SCFD2: variants seen among roughly 807,000 people sequenced by gnomAD.
The protein encoded by SCFD2 is sec1 family domain containing 2, also known as sec1 family domain-containing protein 2.
A neutral mutation model predicts 58.9 loss-of-function variants in SCFD2; 54 were observed. That is an observed-to-expected ratio of 0.92 (90% CI 0.74 to 1.15). The LOEUF (loss-of-function observed/expected upper bound fraction) is 1.15, where lower values mean the gene tolerates loss of function less well. Among genes scored for constraint, SCFD2 ranks in the 50% most tolerant of loss-of-function variants. The probability of loss-of-function intolerance (pLI) is 0.00; values close to 1 mark genes in which losing one functional copy is unlikely to be tolerated. For synonymous variants in SCFD2, 321 were observed against 335.9 expected (o/e 0.96, Z 0.49); for missense variants, 805 against 836.6 (o/e 0.96, Z 0.47).
At chr4:53,057,009 TCC>T (rs1294130276) in intron 5 of SCFD2, among the ~76,000 whole-genome samples, 19 of 151,966 alleles carry the variant, frequency 1.3e-4, no homozygotes, top group Non-Finnish European at 2.4e-4. Context: ...ATGGTGAAAC[TCC>T]GTCTCTAATA....
intron 3 of SCFD2, among the ~76,000 whole-genome samples, chr4:53,312,608 C>T (rs1732724771): frequency 6.6e-6 from 1 of 152,180 alleles, no homozygotes; most frequent in South Asian, 2.1e-4. Context: ...AAGTCATATT[C>T]TTTTCATGTT....
chr4:53,242,899 G>C (rs1323598687), intron 4 of SCFD2, among the ~76,000 whole-genome samples: 1 of 152,136 alleles, frequency 6.6e-6, no homozygotes, highest in Admixed American at 6.5e-5. Flanking sequence ...TTGAAGACAG[G>C]CTTTCTGAAA....
At chr4:53,249,007 G>A (rs190431060) in intron 4 of SCFD2, among the ~76,000 whole-genome samples, 5 of 152,290 alleles carry the variant, frequency 3.3e-5, no homozygotes, top group Non-Finnish European at 5.9e-5. Context: ...AAACTACTCC[G>A]AGCTATGGGA....
At chr4:53,327,808 G>A (rs1250193978) in intron 2 of SCFD2, among the ~76,000 whole-genome samples, 1 of 152,164 alleles carries the variant, frequency 6.6e-6, no homozygotes, top group African/African-American at 2.4e-5. Flanking sequence ...AGAATTGGAA[G>A]TATTGCTGGG....
intron 5 of SCFD2, among the ~76,000 whole-genome samples, chr4:53,055,879 G>A (rs1405538708): frequency 5.3e-5 from 8 of 152,096 alleles, no homozygotes; most frequent in Non-Finnish European, 1.2e-4. Context: ...TGGCTGCAGT[G>A]AAAATGAGCT....
intron 7 of SCFD2, among the ~76,000 whole-genome samples, chr4:52,901,907 T>C (rs1719209966): frequency 6.6e-6 from 1 of 152,226 alleles, no homozygotes; most frequent in Non-Finnish European, 1.5e-5. Context: ...GCAGATAATC[T>C]TACATACACA....
intron 5 of SCFD2, among the ~76,000 whole-genome samples, chr4:53,120,104 C>T (rs1239573343): frequency 6.6e-6 from 1 of 152,124 alleles, no homozygotes; most frequent in African/African-American, 2.4e-5. Context: ...GACAAAAGGG[C>T]TGTGCAATTC....
At chr4:53,316,695 T>A (rs946104682) in intron 2 of SCFD2, among the ~76,000 whole-genome samples, 3 of 152,224 alleles carry the variant, frequency 2.0e-5, no homozygotes, top group African/African-American at 7.2e-5. Context: ...TAAAGTCACT[T>A]GAAGCTTGTA....
At chr4:53,253,246 C>A (rs1730466717) in intron 4 of SCFD2, among the ~76,000 whole-genome samples, 1 of 152,112 alleles carries the variant, frequency 6.6e-6, no homozygotes, top group Non-Finnish European at 1.5e-5. Flanking sequence ...ACAACAGGTG[C>A]TGGAGAGGAT....
intron 4 of SCFD2, among the ~76,000 whole-genome samples, chr4:53,246,258 G>C (rs965035154): frequency 2.6e-5 from 4 of 152,140 alleles, no homozygotes; most frequent in Non-Finnish European, 5.9e-5. Flanking sequence ...TTGTCAAAAT[G>C]GGTATACTGC....
rs191281945 is a variant in SCFD2, at chr4:53,032,489, G to A, written c.1562-111619C>T. On this transcript the variant is annotated intron_variant, in intron 5 of 8. Coordinates refer to ENST00000401642, the MANE Select transcript of SCFD2 (RefSeq NM_152540.4). The stretch of plus-strand genomic sequence containing the variant: ...TAAATGCCCCCAATTAAAAGACATC[G>A]ACTAGCAAATTGGATAAAGAGTCAA... Among the ~76,000 whole-genome samples, 29 of 152,234 alleles carry A rather than the reference G, an allele frequency of 1.9e-4. No individual in the cohort carries two copies. The East Asian group carries it at 2.9e-3, about 15-fold the overall frequency.
At chr4:52,968,729 CAACT>C (rs1721023282) in intron 5 of SCFD2, among the ~76,000 whole-genome samples, 1 of 152,010 alleles carries the variant, frequency 6.6e-6, no homozygotes. Context: ...GATCGGCAAC[CAACT>C]GTGTGTGTGT....
intron 3 of SCFD2, among the ~76,000 whole-genome samples, chr4:53,277,856 T>C (rs1023190722): frequency 2.7e-5 from 4 of 149,590 alleles, no homozygotes; most frequent in Non-Finnish European, 4.4e-5. Context: ...ATGGAGACCA[T>C]CCTGGCTAAC....
At chr4:53,029,839 T>C (rs1722571648) in intron 5 of SCFD2, among the ~76,000 whole-genome samples, 1 of 152,216 alleles carries the variant, frequency 6.6e-6, no homozygotes, top group South Asian at 2.1e-4. Flanking sequence ...AAATAGATCA[T>C]AGATCTGAAT....
At chr4:53,248,077 C>T (rs1367901663) in intron 4 of SCFD2, among the ~76,000 whole-genome samples, 1 of 152,154 alleles carries the variant, frequency 6.6e-6, no homozygotes, top group Non-Finnish European at 1.5e-5. Flanking sequence ...GCACCATGCG[C>T]CACCCGAAGC....
chr4:52,914,821 C>T (rs1018503032), intron 6 of SCFD2, among the ~76,000 whole-genome samples: 11 of 152,024 alleles, frequency 7.2e-5, no homozygotes, highest in Non-Finnish European at 1.6e-4. Context: ...AAAAAAGGGG[C>T]CCATGAAGGT....
At chr4:53,278,363 A>AT (rs1255209650) in intron 3 of SCFD2, among the ~76,000 whole-genome samples, 1 of 148,162 alleles carries the variant, frequency 6.7e-6, no homozygotes, top group East Asian at 2.1e-4. Context: ...CATCTTAAAA[A>AT]AAAAAAAAAA....
At chr4:52,906,642 C>T (rs1719355274) in intron 7 of SCFD2, among the ~76,000 whole-genome samples, 3 of 152,226 alleles carry the variant, frequency 2.0e-5, no homozygotes, top group Admixed American at 2.0e-4. Context: ...GTCTGATTGT[C>T]TGGCGTCTGT....
chr4:53,274,783 T>C (rs1731278723), intron 3 of SCFD2, among the ~76,000 whole-genome samples: 1 of 152,172 alleles, frequency 6.6e-6, no homozygotes, highest in African/African-American at 2.4e-5. Flanking sequence ...CTCCAGTCTG[T>C]AAAATTTCAT....
Sources: gnomAD v4.1 joint callset for allele counts (sites outside exome capture counted in the v4.1 genomes callset) on GRCh38, gnomAD v4.1.1 for gene constraint, MANE v1.5 for transcripts, NCBI Gene and HGNC (gene_info 2026-07-23, HGNC 2026-07-21) for gene names.